Variants in ZC3H12B observed in about 807,000 individuals in gnomAD.
ZC3H12B encodes probable ribonuclease ZC3H12B.
Under a neutral mutation model 43.9 loss-of-function variants are expected in ZC3H12B, and 7 were observed. That is an observed-to-expected ratio of 0.16 (90% CI 0.09 to 0.30). The LOEUF is 0.30. Among genes scored for constraint, ZC3H12B ranks in the 10% least tolerant of loss-of-function variants. The pLI, the probability that ZC3H12B is intolerant of heterozygous loss-of-function variation, is 1.00. For synonymous variants in ZC3H12B, 222 were observed against 241.7 expected (o/e 0.92, Z 0.76); for missense variants, 475 against 670.2 (o/e 0.71, Z 3.22).
intron 3 of ZC3H12B, among the ~76,000 whole-genome samples, chrX:65,432,548 C>A (rs2067174773): frequency 8.9e-6 from 1 of 111,762 alleles, no homozygotes; most frequent in African/African-American, 3.2e-5. Flanking sequence ...TATTGGAGAA[C>A]CTTCTCCTGT....
the ZC3H12B span, among the ~76,000 whole-genome samples, chrX:65,327,309 A>G: frequency 1.8e-5 from 2 of 111,670 alleles, no homozygotes; most frequent in South Asian, 3.7e-4. Flanking sequence ...ATATAGATAT[A>G]CATACAGTGT....
chrX:65,178,773 G>C, the ZC3H12B span, among the ~76,000 whole-genome samples: 1 of 112,244 alleles, frequency 8.9e-6, no homozygotes, highest in East Asian at 2.8e-4. Context: ...AGATGCTGGA[G>C]AGGATGTGGA....
At chrX:65,398,071 A>G (rs183353114) in intron 2 of ZC3H12B, among the ~76,000 whole-genome samples, 2 of 111,905 alleles carry the variant, frequency 1.8e-5, no homozygotes, top group African/African-American at 6.5e-5. Flanking sequence ...TAACTTAACC[A>G]AAGAAGTGAA....
At chrX:65,125,232 A>T in the ZC3H12B span, among the ~76,000 whole-genome samples, 1 of 111,693 alleles carries the variant, frequency 9.0e-6, no homozygotes, top group Admixed American at 9.5e-5. Flanking sequence ...TCTTGATTTC[A>T]TTGTTAAACC....
At chrX:65,280,181 C>T in the ZC3H12B span, among the ~76,000 whole-genome samples, 3 of 112,081 alleles carry the variant, frequency 2.7e-5, no homozygotes, top group Non-Finnish European at 3.8e-5. Context: ...TGAATTCAAC[C>T]ACACATTGGA....
rs112206989 is a variant in ZC3H12B at position 65,465,978 on chromosome X, C to T, written n.408-22668C>T. ...AAAAGCTAATTAGCATATCCATCACCTCACATAGTTATCATTTTTATATGT... is the reference window on the plus strand; with the variant it reads ...AAAAGCTAATTAGCATATCCATCACTTCACATAGTTATCATTTTTATATGT... On this transcript the variant is annotated intron_variant and non_coding_transcript_variant, in intron 3 of 5. Transcript: ENST00000617377. Among the ~76,000 whole-genome samples the T allele has an allele frequency of 6.9e-3, 765 of 110,216 alleles. 9 individuals carry two copies. Among genetic ancestry groups the T allele is most frequent in the African/African-American group, 0.024 (727 of 30,491 alleles).
the ZC3H12B span, among the ~76,000 whole-genome samples, chrX:65,215,680 C>T: frequency 5.7e-4 from 63 of 111,432 alleles, no homozygotes; most frequent in African/African-American, 2.0e-3. Flanking sequence ...TGGAGTAACA[C>T]TTTAATTTAT....
chrX:65,054,891 C>A, the ZC3H12B span, among the ~76,000 whole-genome samples: 1 of 111,221 alleles, frequency 9.0e-6, no homozygotes, highest in African/African-American at 3.3e-5. Context: ...CTCTGTTTGT[C>A]TGTTATTGAT....
chrX:65,171,816 T>TA, the ZC3H12B span, among the ~76,000 whole-genome samples: 1 of 111,459 alleles, frequency 9.0e-6, no homozygotes, highest in African/African-American at 3.3e-5. Context: ...CGAGTGAGGC[T>TA]CCATGGGCAT....
At chrX:65,332,563 G>A in the ZC3H12B span, among the ~76,000 whole-genome samples, 1 of 111,356 alleles carries the variant, frequency 9.0e-6, no homozygotes, top group Non-Finnish European at 1.9e-5. Context: ...GATGAGTCCA[G>A]TATGTGTTTA....
chrX:65,112,188 A>G, the ZC3H12B span, among the ~76,000 whole-genome samples: 1 of 112,299 alleles, frequency 8.9e-6, no homozygotes, highest in Non-Finnish European at 1.9e-5. Context: ...CCCTTAAGCC[A>G]TAGCCTAATT....
the ZC3H12B span, among the ~76,000 whole-genome samples, chrX:65,102,745 G>A: frequency 8.1e-5 from 9 of 111,420 alleles, no homozygotes; most frequent in South Asian, 2.3e-3. Context: ...ACCCGTCCCC[G>A]ATAATTCAAC....
At position 65,366,783 on chromosome X, in the gene ZC3H12B, C is replaced by G. The variant is rs753673343; in HGVS notation, n.125+21C>G. 1.3e-4 allele frequency: 15 copies of G among 112,165 alleles called. No individual in the cohort carries two copies. The highest frequency in any genetic ancestry group is 2.8e-4 in the Admixed American group (3 of 10,609). 9.2% of individuals were successfully genotyped at this position (112,165 alleles called of 1,213,427 possible). A position where few individuals can be genotyped will look rare whatever the true frequency, so the allele number is the denominator to read the frequency against. On this transcript the variant is annotated intron_variant and non_coding_transcript_variant, in intron 1 of 5. Coordinates refer to the ZC3H12B transcript ENST00000617377. ...GGAAGGTAGGTGAGTAGAAGCTCCT[C>G]TAGGATACATATCTACATTTGCACT... is the stretch of plus-strand genomic sequence containing the variant.
chrX:65,403,248 G>A (rs766556997), intron 3 of ZC3H12B, among the ~76,000 whole-genome samples: 104 of 111,740 alleles, frequency 9.3e-4, no homozygotes, highest in Non-Finnish European at 1.0e-3. Flanking sequence ...TGAGCTTGAC[G>A]ACAGACTATT....
the ZC3H12B span, among the ~76,000 whole-genome samples, chrX:65,142,216 T>A: frequency 8.9e-6 from 1 of 112,420 alleles, no homozygotes; most frequent in Admixed American, 9.4e-5. Context: ...TAAGGTGGTA[T>A]CACATGCTGG....
intron 3 of ZC3H12B, among the ~76,000 whole-genome samples, chrX:65,450,279 G>T (rs2067455276): frequency 1.0e-5 from 1 of 95,406 alleles, no homozygotes; most frequent in Non-Finnish European, 2.0e-5. Context: ...CTTCCAGCCT[G>T]GGCGACAGAG....
At chrX:65,228,397 G>A in the ZC3H12B span, among the ~76,000 whole-genome samples, 8 of 111,239 alleles carry the variant, frequency 7.2e-5, no homozygotes, top group African/African-American at 2.6e-4. Flanking sequence ...AATAATAAGA[G>A]CTATCTATGA....
chrX:65,072,023 A>G, the ZC3H12B span, among the ~76,000 whole-genome samples: 5 of 112,130 alleles, frequency 4.5e-5, no homozygotes, highest in Non-Finnish European at 9.4e-5. Flanking sequence ...GAAAGTTCTC[A>G]TGGATGATAT....
chrX:65,275,678 C>G, the ZC3H12B span, among the ~76,000 whole-genome samples: 1 of 112,287 alleles, frequency 8.9e-6, no homozygotes, highest in Non-Finnish European at 1.9e-5. Flanking sequence ...ACCAACACCT[C>G]AAGACCCATT....
Sources: gnomAD v4.1 joint callset for allele counts (sites outside exome capture counted in the v4.1 genomes callset) on GRCh38, gnomAD v4.1.1 for gene constraint, MANE v1.5 for transcripts, NCBI Gene and HGNC (gene_info 2026-07-23, HGNC 2026-07-21) for gene names.